Variants in FBXO4 observed in about 807,000 individuals in gnomAD.
The protein encoded by FBXO4 is F-box only protein 4.
Under a neutral mutation model 43.7 loss-of-function variants are expected in FBXO4, and 36 were observed. That is an observed-to-expected ratio of 0.82 (90% CI 0.63 to 1.09). The LOEUF is 1.09. Ranked by LOEUF, FBXO4 falls within the 50% of genes least tolerant of loss-of-function variation. The probability of loss-of-function intolerance (pLI) is 0.00; values close to 1 mark genes in which losing one functional copy is unlikely to be tolerated. For synonymous variants in FBXO4, 180 were observed against 165.6 expected (o/e 1.09, Z -0.67); for missense variants, 435 against 474.1 (o/e 0.92, Z 0.77).
intron 5 of FBXO4, among the ~76,000 whole-genome samples, chr5:41,937,235 T>A (rs1176010490): frequency 6.6e-6 from 1 of 152,068 alleles, no homozygotes; most frequent in Non-Finnish European, 1.5e-5. Flanking sequence ...ATAGTCAAAC[T>A]GATAAAAATC....
chr5:41,929,133 G>A (rs1461981132), intron 2 of FBXO4, among the ~76,000 whole-genome samples: 5 of 152,172 alleles, frequency 3.3e-5, no homozygotes, highest in Non-Finnish European at 1.5e-5. Flanking sequence ...TAGGGATATT[G>A]TGCTAACTAT....
At chr5:41,993,119 C>G in the FBXO4 span, among the ~76,000 whole-genome samples, 1 of 152,104 alleles carries the variant, frequency 6.6e-6, no homozygotes, top group Non-Finnish European at 1.5e-5. Flanking sequence ...ACCTTCTATC[C>G]TTCATAAATT....
chr5:41,962,768 G>A, the FBXO4 span, among the ~76,000 whole-genome samples: 3 of 152,164 alleles, frequency 2.0e-5, no homozygotes. Context: ...CTCTGTGAAT[G>A]CCTCTGAAAA....
chr5:41,988,543 C>A, the FBXO4 span, among the ~76,000 whole-genome samples: 6 of 152,270 alleles, frequency 3.9e-5, no homozygotes, highest in South Asian at 1.0e-3. Flanking sequence ...GTTTTAAATT[C>A]TCATGCTTGT....
the FBXO4 span, among the ~76,000 whole-genome samples, chr5:42,026,389 T>C: frequency 6.6e-6 from 1 of 151,890 alleles, no homozygotes; most frequent in African/African-American, 2.4e-5. Flanking sequence ...GAAATCAGCA[T>C]ACTGATTTTT....
At chr5:42,015,358 C>A in the FBXO4 span, among the ~76,000 whole-genome samples, 2 of 152,168 alleles carry the variant, frequency 1.3e-5, no homozygotes, top group African/African-American at 2.4e-5. Context: ...ACGTTGTATT[C>A]TACATGGAAG....
In FBXO4 at chr5:41,932,681, A is replaced by G. The variant is rs147076959; in HGVS notation, c.647-1265A>G. On this transcript the variant is annotated intron_variant, in intron 3 of 6. Transcript: ENST00000281623. Reference sequence around the variant, plus strand: ...CCAACTGATGTCAGAGGAAAGGATAATAGGAGGCAAGAAGATATAGGAGAC... The same window carrying G: ...CCAACTGATGTCAGAGGAAAGGATAGTAGGAGGCAAGAAGATATAGGAGAC... Among the ~76,000 whole-genome samples, 16 of 152,316 alleles carry G rather than the reference A, an allele frequency of 1.1e-4. No homozygotes were observed. In the East Asian group the frequency reaches 2.9e-3, roughly 28 times the overall value.
At chr5:42,007,889 A>G in the FBXO4 span, among the ~76,000 whole-genome samples, 1 of 152,128 alleles carries the variant, frequency 6.6e-6, no homozygotes, top group Non-Finnish European at 1.5e-5. Flanking sequence ...GCATAGGAAA[A>G]GATCTACTCA....
At chr5:41,991,357 C>G in the FBXO4 span, among the ~76,000 whole-genome samples, 51 of 152,320 alleles carry the variant, frequency 3.3e-4, 1 homozygote, top group East Asian at 9.1e-3. Context: ...CTTGAATCTA[C>G]TCCTAACCTA....
the FBXO4 span, among the ~76,000 whole-genome samples, chr5:42,035,443 C>T: frequency 2.6e-5 from 4 of 151,936 alleles, no homozygotes; most frequent in African/African-American, 9.7e-5. Flanking sequence ...AATATTATGA[C>T]CAATCTTATC....
the FBXO4 span, among the ~76,000 whole-genome samples, chr5:41,957,880 C>A: frequency 6.6e-6 from 1 of 152,046 alleles, no homozygotes; most frequent in Non-Finnish European, 1.5e-5. Context: ...CACATTATTT[C>A]TTTTTCAGAC....
intron 2 of FBXO4, among the ~76,000 whole-genome samples, chr5:41,927,658 C>G (rs1473199722): frequency 6.6e-6 from 1 of 152,100 alleles, no homozygotes; most frequent in Admixed American, 6.5e-5. Flanking sequence ...ATATTAGCAC[C>G]GAAAAGCACT....
intron 5 of FBXO4, 81 bp from the exon 6 acceptor site, chr5:41,939,360 C>T (rs981248782): frequency 9.8e-6 from 13 of 1,322,452 alleles, no homozygotes; most frequent in Admixed American, 4.6e-5. Flanking sequence ...TTTGTTCCCT[C>T]GCTTTGTTAG....
At chr5:41,991,863 C>G in the FBXO4 span, among the ~76,000 whole-genome samples, 3 of 152,262 alleles carry the variant, frequency 2.0e-5, no homozygotes, top group Admixed American at 2.0e-4. Flanking sequence ...CGGATCACCC[C>G]AGGTCGGGAT....
the FBXO4 span, chr5:41,967,731 A>C: frequency 4.8e-6 from 3 of 620,388 alleles, no homozygotes; most frequent in South Asian, 2.9e-5. Context: ...AGCCATCAAC[A>C]TCCTTATCTG....
the FBXO4 span, among the ~76,000 whole-genome samples, chr5:41,991,271 C>T: frequency 6.6e-6 from 1 of 152,208 alleles, no homozygotes; most frequent in East Asian, 1.9e-4. Context: ...TGTCCACCAA[C>T]TTTCTTATTC....
intron 5 of FBXO4, among the ~76,000 whole-genome samples, chr5:41,938,825 G>A (rs1324708824): frequency 6.6e-6 from 1 of 152,186 alleles, no homozygotes; most frequent in Non-Finnish European, 1.5e-5. Flanking sequence ...TCAGCTTCTA[G>A]AGGTCACCTA....
the FBXO4 span, among the ~76,000 whole-genome samples, chr5:42,006,887 GATATATAT>G: frequency 2.3e-3 from 179 of 79,114 alleles, 5 homozygotes; most frequent in African/African-American, 7.5e-3. Context: ...GGTTCATGCT[GATATATAT>G]ATATATATAT....
chr5:41,945,135 T>C (rs1425777830), downstream of FBXO4, among the ~76,000 whole-genome samples: 2 of 152,232 alleles, frequency 1.3e-5, no homozygotes, highest in African/African-American at 4.8e-5. Flanking sequence ...GCACAATTTC[T>C]AATTTATGGT....
Sources: gnomAD v4.1 joint callset for allele counts (sites outside exome capture counted in the v4.1 genomes callset) on GRCh38, gnomAD v4.1.1 for gene constraint, MANE v1.5 for transcripts, NCBI Gene and HGNC (gene_info 2026-07-23, HGNC 2026-07-21) for gene names.